KHDC1: variants seen among roughly 807,000 people sequenced by gnomAD.
KHDC1 encodes KH domain containing 1, also known as KH homology domain-containing protein 1.
In KHDC1, 21 loss-of-function variants were observed where a neutral mutation model predicts 24.7. The observed-to-expected ratio is 0.85, with a 90% CI of 0.60 to 1.23. The LOEUF (loss-of-function observed/expected upper bound fraction) is 1.23. Ranked by LOEUF, KHDC1 falls within the 50% of genes most tolerant of loss-of-function variation. KHDC1 has a pLI of 0.00. For synonymous variants in KHDC1, 98 were observed against 111.7 expected (o/e 0.88, Z 0.77); for missense variants, 274 against 298.5 (o/e 0.92, Z 0.61).
exon 5 of KHDC1, chr6:73,241,623 C>T (rs1319406218): frequency 1.2e-6 from 2 of 1,614,194 alleles, no homozygotes; most frequent in Admixed American, 3.3e-5. Flanking sequence ...TCCACTTATC[C>T]TGGGAGCCAA....
intron 2 of KHDC1, among the ~76,000 whole-genome samples, chr6:73,252,803 T>C (rs1265418319): frequency 8.0e-5 from 12 of 150,152 alleles, no homozygotes; most frequent in African/African-American, 3.0e-4. Flanking sequence ...GGCAACAGAG[T>C]GAGACTCTAC....
At position 73,302,798 on chromosome 6, in the gene KHDC1, C is replaced by T. The variant is rs114083823; in HGVS notation, c.163+6754G>A. ...CAGCCTAAAAAGATGGAAATCTGGC[C>T]GGGCGCGGTGGCTCATGCCTGTAAT... On this transcript the variant is annotated intron_variant, in intron 1 of 4. Transcript: ENST00000370384. Among the ~76,000 whole-genome samples, 1,205 of 152,214 alleles carry T rather than the reference C, an allele frequency of 7.9e-3. 18 individuals are homozygous for T. Among genetic ancestry groups the T allele is most frequent in the African/African-American group, 0.027 (1,133 of 41,532 alleles).
intron 2 of KHDC1, among the ~76,000 whole-genome samples, chr6:73,248,943 C>CAAA (rs36010850): frequency 5.8e-5 from 8 of 137,438 alleles, no homozygotes; most frequent in Non-Finnish European, 1.1e-4. Context: ...TGTTGGGAGT[C>CAAA]AAAAAAAAAA....
intron 2 of KHDC1, among the ~76,000 whole-genome samples, chr6:73,272,405 G>A (rs561638188): frequency 6.6e-6 from 1 of 151,962 alleles, no homozygotes; most frequent in South Asian, 2.1e-4. Flanking sequence ...AAAGTGCTGG[G>A]ATTACAGGCG....
At chr6:73,262,951 G>C (rs985102934) in intron 2 of KHDC1, 15 of 991,406 alleles carry the variant, frequency 1.5e-5, no homozygotes, top group South Asian at 1.3e-4. Flanking sequence ...GAGACCACAG[G>C]GGGGTCAGGT....
chr6:73,292,063 AAAGGAATTATTAC>A, intron 1 of KHDC1: 1 of 1,613,902 alleles, frequency 6.2e-7, no homozygotes, highest in Non-Finnish European at 8.5e-7. Flanking sequence ...TATATAAAGA[AAAGGAATTATTAC>A]AAGGTAAATT....
chr6:73,292,339 G>T, intron 1 of KHDC1: 1 of 876,214 alleles, frequency 1.1e-6, no homozygotes, highest in Non-Finnish European at 2.0e-6. Flanking sequence ...TTAGGCAGGA[G>T]TATTTAGATA....
intron 2 of KHDC1, among the ~76,000 whole-genome samples, chr6:73,252,043 T>A (rs1304107777): frequency 6.6e-6 from 1 of 150,662 alleles, no homozygotes; most frequent in African/African-American, 2.4e-5. Context: ...ATCATATCTT[T>A]TTTTTTTTTT....
intron 2 of KHDC1, among the ~76,000 whole-genome samples, chr6:73,251,890 CG>C (rs2150557454): frequency 6.6e-6 from 1 of 151,394 alleles, no homozygotes; most frequent in Non-Finnish European, 1.5e-5. Context: ...CTCAGCCTCC[CG>C]GGCTCATTCG....
At chr6:73,242,609 C>T in intron 2 of KHDC1, 79 bp from the exon 2 acceptor site, 5 of 1,582,502 alleles carry the variant, frequency 3.2e-6, no homozygotes, top group East Asian at 2.3e-5. Context: ...AGGCTCTGTC[C>T]TTAACATAGG....
intron 1 of KHDC1, chr6:73,309,466 C>G: frequency 7.4e-7 from 1 of 1,349,538 alleles, no homozygotes; most frequent in East Asian, 2.5e-5. Flanking sequence ...CTGGAGTGAT[C>G]CTGAAAGATC....
At chr6:73,274,560 ACT>A (rs1767244578) in intron 2 of KHDC1, 1 of 151,852 alleles carries the variant, frequency 6.6e-6, no homozygotes, top group Middle Eastern at 3.1e-3. Context: ...GTGATGAGTG[ACT>A]CTCACGACAT....
intron 2 of KHDC1, among the ~76,000 whole-genome samples, chr6:73,278,471 G>A (rs1030392200): frequency 2.6e-5 from 4 of 151,924 alleles, no homozygotes; most frequent in African/African-American, 9.7e-5. Context: ...CAATTCTCCT[G>A]CCTTGGCCTC....
intron 2 of KHDC1, chr6:73,270,670 A>G (rs903897020): frequency 6.6e-6 from 1 of 151,818 alleles, no homozygotes; most frequent in African/African-American, 2.4e-5. Context: ...CCTATAGTGG[A>G]AAAGTTTTTG....
intron 2 of KHDC1, among the ~76,000 whole-genome samples, chr6:73,250,719 G>A (rs1360819191): frequency 6.6e-6 from 1 of 152,196 alleles, no homozygotes; most frequent in African/African-American, 2.4e-5. Flanking sequence ...CACTCTCCAA[G>A]GAGGGACAAT....
At chr6:73,243,064 A>G (rs1005514415) in intron 2 of KHDC1, among the ~76,000 whole-genome samples, 1 of 152,068 alleles carries the variant, frequency 6.6e-6, no homozygotes, top group Admixed American at 6.5e-5. Context: ...GAGTCTAAGG[A>G]GTGTTTAGGG....
intron 2 of KHDC1, among the ~76,000 whole-genome samples, chr6:73,257,602 T>C (rs1766903575): frequency 6.6e-6 from 1 of 152,028 alleles, no homozygotes; most frequent in Non-Finnish European, 1.5e-5. Flanking sequence ...TTTCACCATG[T>C]TGGCCAGGAT....
At chr6:73,309,419 G>T in intron 1 of KHDC1, 6 of 841,386 alleles carry the variant, frequency 7.1e-6, no homozygotes, top group Non-Finnish European at 8.5e-6. Context: ...TTAACATGGT[G>T]ATTTGCAGAA....
At chr6:73,242,433 C>T (rs550735209) in exon 3 of KHDC1, 2 of 1,614,192 alleles carry the variant, frequency 1.2e-6, no homozygotes, top group Admixed American at 1.7e-5. Context: ...TGGTCCTCTT[C>T]CATGTGAAAC....
Sources: allele counts gnomAD v4.1 joint callset (sites outside exome capture counted in the v4.1 genomes callset), GRCh38; gene constraint gnomAD v4.1.1; transcripts MANE v1.5; gene names NCBI Gene and HGNC (gene_info 2026-07-23, HGNC 2026-07-21).